KHDRBS3: variants seen among roughly 807,000 people sequenced by gnomAD.
KHDRBS3 encodes the protein KH domain-containing, RNA-binding, signal transduction-associated protein 3.
KHDRBS3 carries 23 observed loss-of-function variants against 45.6 expected under a neutral mutation model. The ratio of observed to expected loss-of-function variants is 0.50; its 90% CI spans 0.36 to 0.72. The LOEUF (loss-of-function observed/expected upper bound fraction) is 0.72. Among genes scored for constraint, KHDRBS3 ranks in the 30% least tolerant of loss-of-function variants. The probability of loss-of-function intolerance (pLI) is 0.00; values close to 1 mark genes in which losing one functional copy is unlikely to be tolerated. For synonymous variants in KHDRBS3, 162 were observed against 156.5 expected (o/e 1.04, Z -0.26); for missense variants, 352 against 424.8 (o/e 0.83, Z 1.51).
At chr8:135,518,021 T>A (rs1326073387) in intron 1 of KHDRBS3, among the ~76,000 whole-genome samples, 1 of 152,210 alleles carries the variant, frequency 6.6e-6, no homozygotes, top group Non-Finnish European at 1.5e-5. Context: ...TAATTCCTAA[T>A]TTTTAAAAGC....
chr8:135,535,830 G>A (rs1825718630), intron 2 of KHDRBS3, among the ~76,000 whole-genome samples: 1 of 152,154 alleles, frequency 6.6e-6, no homozygotes, highest in South Asian at 2.1e-4. Flanking sequence ...GGTTTACTGT[G>A]TGGCGAGGGC....
intron 8 of KHDRBS3, among the ~76,000 whole-genome samples, 161 bp downstream of exon 8, chr8:135,645,278 T>C (rs938948505): frequency 6.6e-6 from 1 of 152,218 alleles, no homozygotes; most frequent in Non-Finnish European, 1.5e-5. Context: ...GCTCCTTTAT[T>C]ATATAAATAT....
At position 135,647,362 on chromosome 8, in the gene KHDRBS3, T is replaced by G; in HGVS notation, c.*278T>G. The G allele has an allele frequency of 4.2e-6, 1 of 237,882 alleles. No homozygotes were observed. Among genetic ancestry groups the G allele is most frequent in the Non-Finnish European group, 8.1e-6 (1 of 124,062 alleles). 14.7% of individuals were successfully genotyped at this position (237,882 alleles called of 1,614,324 possible). A position where few individuals can be genotyped will look rare whatever the true frequency, so the allele number is the denominator to read the frequency against. On this transcript the variant is annotated 3_prime_UTR_variant, in exon 9 of 9. Coordinates refer to ENST00000355849, the MANE Select transcript of KHDRBS3 (RefSeq NM_006558.3). The stretch of plus-strand genomic sequence containing the variant: ...AACTAGTGTTAAACAAAAAATAGGT[T>G]TACTAAATATGTTAATCTATTCTTT...
intron 1 of KHDRBS3, among the ~76,000 whole-genome samples, chr8:135,463,043 A>C (rs1821511032): frequency 6.6e-6 from 1 of 152,144 alleles, no homozygotes; most frequent in Non-Finnish European, 1.5e-5. Flanking sequence ...GACCTTTTTC[A>C]AAATGGGTTG....
chr8:135,622,356 A>T (rs942261394), intron 7 of KHDRBS3, among the ~76,000 whole-genome samples: 7 of 152,194 alleles, frequency 4.6e-5, no homozygotes, highest in African/African-American at 1.7e-4. Context: ...GTCGTAGTTT[A>T]AATTCTTTTA....
chr8:135,625,614 T>C, intron 7 of KHDRBS3: 2 of 916,768 alleles, frequency 2.2e-6, no homozygotes, highest in Non-Finnish European at 3.6e-6. Flanking sequence ...ACAGGGTCAG[T>C]CTTTTCCATC....
intron 2 of KHDRBS3, among the ~76,000 whole-genome samples, chr8:135,526,554 T>A (rs1309314066): frequency 6.6e-6 from 1 of 152,146 alleles, no homozygotes; most frequent in Non-Finnish European, 1.5e-5. Context: ...GAAGAAGCTT[T>A]CATGCTTGTG....
intron 1 of KHDRBS3, among the ~76,000 whole-genome samples, chr8:135,495,927 C>G (rs1823417290): frequency 6.6e-6 from 1 of 151,706 alleles, no homozygotes; most frequent in East Asian, 1.9e-4. Context: ...AGATATGTGG[C>G]ACTTTTAATA....
intron 7 of KHDRBS3, among the ~76,000 whole-genome samples, chr8:135,634,692 C>A (rs546725043): frequency 1.3e-3 from 203 of 152,260 alleles, no homozygotes; most frequent in South Asian, 2.7e-3. Flanking sequence ...ATTTGACATG[C>A]TAGTTTCTCT....
intron 1 of KHDRBS3, among the ~76,000 whole-genome samples, chr8:135,467,579 T>C (rs1821763163): frequency 6.6e-6 from 1 of 152,236 alleles, no homozygotes; most frequent in African/African-American, 2.4e-5. Context: ...TACAGGCCAG[T>C]TTTTTGTAGA....
intron 6 of KHDRBS3, among the ~76,000 whole-genome samples, chr8:135,597,672 C>G (rs1443506071): frequency 1.3e-5 from 2 of 152,058 alleles, no homozygotes; most frequent in Admixed American, 6.6e-5. Flanking sequence ...GCTATGTCCC[C>G]GGTGCTCAGC....
At chr8:135,540,312 A>T (rs910255208) in intron 2 of KHDRBS3, 1 of 152,202 alleles carries the variant, frequency 6.6e-6, no homozygotes, top group Non-Finnish European at 1.5e-5. Context: ...AACCAGAAAC[A>T]TGTTCATTAC....
chr8:135,466,761 G>C (rs754415023), intron 1 of KHDRBS3, among the ~76,000 whole-genome samples: 4 of 152,192 alleles, frequency 2.6e-5, no homozygotes, highest in Non-Finnish European at 5.9e-5. Context: ...TCCTGTTTTA[G>C]TAACTTTTAG....
At chr8:135,597,700 G>A (rs7818304) in intron 6 of KHDRBS3, among the ~76,000 whole-genome samples, 30,873 of 151,988 alleles carry the variant, frequency 0.2, 3,691 homozygotes, top group Middle Eastern at 0.28. Context: ...CTGACACCTA[G>A]TTGGCATTCA....
chr8:135,480,656 G>T (rs73712039), intron 1 of KHDRBS3, among the ~76,000 whole-genome samples: 13,598 of 151,382 alleles, frequency 0.09, 1,044 homozygotes, highest in African/African-American at 0.21. Flanking sequence ...AGGTAGAAAG[G>T]AAAAAAAAGA....
chr8:135,473,314 C>T (rs958546212), intron 1 of KHDRBS3, among the ~76,000 whole-genome samples: 3 of 152,248 alleles, frequency 2.0e-5, no homozygotes, highest in East Asian at 1.9e-4. Context: ...TTAGACGACG[C>T]GCTTTGTGGC....
intron 2 of KHDRBS3, among the ~76,000 whole-genome samples, chr8:135,535,705 C>T (rs190546653): frequency 7.2e-5 from 11 of 152,128 alleles, no homozygotes; most frequent in African/African-American, 2.4e-4. Context: ...AGAAGGTATC[C>T]CAGTCCATTT....
chr8:135,652,188 A>T (rs1226543970), downstream of KHDRBS3, among the ~76,000 whole-genome samples: 1 of 152,206 alleles, frequency 6.6e-6, no homozygotes, highest in Non-Finnish European at 1.5e-5. Context: ...TTTATGCCTG[A>T]TTCTGTTTCT....
intron 1 of KHDRBS3, among the ~76,000 whole-genome samples, chr8:135,470,874 C>T (rs1283049279): frequency 2.0e-5 from 3 of 152,150 alleles, no homozygotes; most frequent in Non-Finnish European, 4.4e-5. Context: ...GCGTGAGCCA[C>T]CCCGCCCAGC....
Sources: allele counts gnomAD v4.1 joint callset (sites outside exome capture counted in the v4.1 genomes callset), GRCh38; gene constraint gnomAD v4.1.1; transcripts MANE v1.5; gene names NCBI Gene and HGNC (gene_info 2026-07-23, HGNC 2026-07-21).